The following GPC5 variants were observed in gnomAD, a reference collection of about 807,000 sequenced individuals.
GPC5 encodes the protein glypican 5, also known as glypican-5.
GPC5 carries 47 observed loss-of-function variants against 53.9 expected under a neutral mutation model. That is an observed-to-expected ratio of 0.87 (90% CI 0.69 to 1.11). The LOEUF (loss-of-function observed/expected upper bound fraction) is 1.11, where lower values mean the gene tolerates loss of function less well. GPC5 is among the 50% of genes most tolerant of loss of function. GPC5 has a pLI of 0.00. For synonymous variants in GPC5, 286 were observed against 263.3 expected (o/e 1.09, Z -0.84); for missense variants, 748 against 713.1 (o/e 1.05, Z -0.56).
intron 2 of GPC5, among the ~76,000 whole-genome samples, chr13:91,612,618 A>T (rs1235779128): frequency 1.3e-5 from 2 of 152,184 alleles, no homozygotes; most frequent in Non-Finnish European, 2.9e-5. Flanking sequence ...AAACAAACAA[A>T]CAAAGCCTTG....
At chr13:92,731,658 C>G (rs1888809042) in intron 7 of GPC5, among the ~76,000 whole-genome samples, 2 of 151,392 alleles carry the variant, frequency 1.3e-5, no homozygotes, top group South Asian at 4.2e-4. Flanking sequence ...GTAAATCTTA[C>G]AAGCTTTCAA....
intron 2 of GPC5, among the ~76,000 whole-genome samples, chr13:91,612,396 G>C (rs1219106323): frequency 1.7e-4 from 26 of 152,166 alleles, no homozygotes; most frequent in Admixed American, 1.7e-3. Flanking sequence ...CTTAGATTTT[G>C]ATAAGTTTTC....
intron 5 of GPC5, among the ~76,000 whole-genome samples, chr13:91,767,044 T>A (rs2037539530): frequency 6.6e-6 from 1 of 152,202 alleles, no homozygotes; most frequent in African/African-American, 2.4e-5. Context: ...CATTTTCTCT[T>A]CATTGGATGG....
At chr13:92,707,441 G>T (rs569952191) in intron 7 of GPC5, among the ~76,000 whole-genome samples, 2 of 151,950 alleles carry the variant, frequency 1.3e-5, no homozygotes, top group Non-Finnish European at 2.9e-5. Context: ...TCTGCTTGTT[G>T]TTTTGTTTCC....
At chr13:91,497,098 A>G (rs950725) in intron 2 of GPC5, among the ~76,000 whole-genome samples, 60,225 of 151,836 alleles carry the variant, frequency 0.4, 12,240 homozygotes, top group East Asian at 0.6. Flanking sequence ...TATTTAAAAC[A>G]AATAATGGCC....
chr13:92,449,422 CA>C (rs1771154375), intron 7 of GPC5, among the ~76,000 whole-genome samples: 1 of 152,032 alleles, frequency 6.6e-6, no homozygotes. Context: ...ATCTCACATG[CA>C]ATACAGAGAA....
chr13:92,755,515 C>A (rs1169078518), intron 7 of GPC5, among the ~76,000 whole-genome samples: 1 of 151,870 alleles, frequency 6.6e-6, no homozygotes, highest in East Asian at 2.0e-4. Flanking sequence ...CACAAAAAAC[C>A]CTTCAAAAAA....
Position 92,866,453 on chromosome 13 carries a change from T to A in GPC5, c.*14T>A. 1.3e-6 allele frequency: 2 copies of A among 1,581,602 alleles called. No individual in the cohort carries two copies. The highest frequency in any genetic ancestry group is 1.7e-6 in the Non-Finnish European group (2 of 1,159,932). On this transcript the variant is annotated 3_prime_UTR_variant, in exon 8 of 8. Transcript: ENST00000377067. The stretch of plus-strand genomic sequence containing the variant: ...GGGATTTGGTAACTGAACTCTTCTG[T>A]CCTGACATACCTTACTGAAGTCTCG...
intron 2 of GPC5, among the ~76,000 whole-genome samples, chr13:91,449,991 T>C (rs2139100667): frequency 6.6e-6 from 1 of 152,260 alleles, no homozygotes; most frequent in African/African-American, 2.4e-5. Flanking sequence ...GTCAATCTAT[T>C]TGAATAATTT....
chr13:91,920,596 A>T (rs1168135311), intron 6 of GPC5, among the ~76,000 whole-genome samples: 1 of 152,226 alleles, frequency 6.6e-6, no homozygotes, highest in Non-Finnish European at 1.5e-5. Context: ...ATGCATAAAC[A>T]TACACACACA....
chr13:91,433,799 T>A (rs974548756), intron 1 of GPC5, among the ~76,000 whole-genome samples: 1 of 152,168 alleles, frequency 6.6e-6, no homozygotes, highest in African/African-American at 2.4e-5. Flanking sequence ...ATGGTTGAAC[T>A]AGTTTATAGT....
At chr13:92,755,277 C>T (rs1874803862) in intron 7 of GPC5, among the ~76,000 whole-genome samples, 2 of 141,196 alleles carry the variant, frequency 1.4e-5, no homozygotes, top group Admixed American at 1.5e-4. Context: ...TTCTTTGAAA[C>T]CAACGAGAAC....
At chr13:91,540,325 C>G (rs115101402) in intron 2 of GPC5, among the ~76,000 whole-genome samples, 87 of 152,368 alleles carry the variant, frequency 5.7e-4, no homozygotes, top group African/African-American at 2.0e-3. Flanking sequence ...CAAGATCACT[C>G]TGGCCAGGCC....
intron 6 of GPC5, among the ~76,000 whole-genome samples, chr13:91,991,626 A>C (rs992045035): frequency 2.0e-5 from 3 of 152,152 alleles, no homozygotes; most frequent in African/African-American, 7.2e-5. Flanking sequence ...CAAGTTGTAG[A>C]ACTGGTGTGT....
At chr13:91,882,400 C>T (rs1180753031) in intron 5 of GPC5, among the ~76,000 whole-genome samples, 1 of 151,938 alleles carries the variant, frequency 6.6e-6, no homozygotes, top group East Asian at 1.9e-4. Context: ...AGTGATTTCA[C>T]AATTAAATGT....
At chr13:92,763,081 T>C (rs1271016503) in intron 7 of GPC5, among the ~76,000 whole-genome samples, 1 of 152,226 alleles carries the variant, frequency 6.6e-6, no homozygotes, top group Admixed American at 6.5e-5. Flanking sequence ...AATTATTTTT[T>C]AATTCATTTT....
chr13:92,798,945 T>A (rs1290533174), intron 7 of GPC5, among the ~76,000 whole-genome samples: 1 of 151,880 alleles, frequency 6.6e-6, no homozygotes, highest in African/African-American at 2.4e-5. Flanking sequence ...AGATTCCTCA[T>A]ATTTTTCTTT....
chr13:91,516,304 A>C (rs1045506807), intron 2 of GPC5, among the ~76,000 whole-genome samples: 1 of 152,178 alleles, frequency 6.6e-6, no homozygotes, highest in African/African-American at 2.4e-5. Context: ...GGATACAATG[A>C]GGGTACAGGT....
intron 7 of GPC5, among the ~76,000 whole-genome samples, chr13:92,411,705 C>T (rs1373962483): frequency 6.6e-6 from 1 of 152,152 alleles, no homozygotes; most frequent in South Asian, 2.1e-4. Flanking sequence ...TAATTGGTGT[C>T]ATTACAAGTT....
Sources: allele counts gnomAD v4.1 joint callset (sites outside exome capture counted in the v4.1 genomes callset), GRCh38; gene constraint gnomAD v4.1.1; transcripts MANE v1.5; gene names NCBI Gene and HGNC (gene_info 2026-07-23, HGNC 2026-07-21).